The following CDH18 variants were observed in gnomAD, a reference collection of about 807,000 sequenced individuals.
CDH18 encodes the protein cadherin-18.
CDH18 carries 31 observed loss-of-function variants against 67.9 expected under a neutral mutation model. That is an observed-to-expected ratio of 0.46 (90% CI 0.34 to 0.62). CDH18 has a LOEUF of 0.62. Among genes scored for constraint, CDH18 ranks in the 20% least tolerant of loss-of-function variants. The pLI is 0.01. For missense variants in CDH18, 890 were observed against 975.5 expected, an observed-to-expected ratio of 0.91 and a Z score of 1.17; for synonymous variants, 362 against 347.2, an observed-to-expected ratio of 1.04 and a Z score of -0.48.
At chr5:20,328,424 C>T (rs1738814644) in intron 1 of CDH18, among the ~76,000 whole-genome samples, 1 of 150,580 alleles carries the variant, frequency 6.6e-6, no homozygotes, top group African/African-American at 2.5e-5. Context: ...GAGTATCTGA[C>T]AAGATGAAAG....
chr5:19,832,196 C>A (rs1355059938), intron 3 of CDH18, among the ~76,000 whole-genome samples: 4 of 152,042 alleles, frequency 2.6e-5, no homozygotes, highest in Non-Finnish European at 5.9e-5. Flanking sequence ...CACCCCAAAC[C>A]TCAGCATCGC....
chr5:19,554,696 C>G (rs1425565108), intron 8 of CDH18, among the ~76,000 whole-genome samples: 1 of 151,994 alleles, frequency 6.6e-6, no homozygotes, highest in Non-Finnish European at 1.5e-5. Context: ...TCCCAGAACA[C>G]AGGTTCCCTT....
intron 1 of CDH18, among the ~76,000 whole-genome samples, chr5:20,459,604 G>C (rs948941578): frequency 1.6e-4 from 25 of 152,048 alleles, no homozygotes; most frequent in African/African-American, 5.8e-4. Flanking sequence ...TAGACTTCCT[G>C]CCTCTGTGTA....
chr5:19,855,420 G>C (rs1486901889), intron 2 of CDH18, among the ~76,000 whole-genome samples: 2 of 152,016 alleles, frequency 1.3e-5, no homozygotes, highest in African/African-American at 2.4e-5. Flanking sequence ...CTTTGATTTG[G>C]GGGTGGATGA....
At chr5:20,163,250 T>G (rs556559623) in intron 2 of CDH18, among the ~76,000 whole-genome samples, 5 of 152,092 alleles carry the variant, frequency 3.3e-5, no homozygotes, top group Non-Finnish European at 7.4e-5. Context: ...TGTTTCACCC[T>G]AATGCCCTTA....
chr5:19,835,950 CAT>C (rs1488122107), intron 3 of CDH18, among the ~76,000 whole-genome samples: 8 of 152,108 alleles, frequency 5.3e-5, no homozygotes, highest in African/African-American at 1.9e-4. Flanking sequence ...AGCTCTCAAC[CAT>C]ATGTTCATTG....
chr5:20,004,839 ACTAT>A (rs1317745629), intron 2 of CDH18, among the ~76,000 whole-genome samples: 1 of 152,202 alleles, frequency 6.6e-6, no homozygotes, highest in Non-Finnish European at 1.5e-5. Flanking sequence ...GTCAAATTCC[ACTAT>A]CTATCTACAA....
chr5:20,528,200 C>T (rs1316614349), intron 1 of CDH18, among the ~76,000 whole-genome samples: 3 of 152,006 alleles, frequency 2.0e-5, no homozygotes, highest in Non-Finnish European at 4.4e-5. Context: ...TTCAATTCAA[C>T]ATGAAGAGCT....
chr5:20,004,669 G>GTC (rs1365562174), intron 2 of CDH18, among the ~76,000 whole-genome samples: 1 of 152,216 alleles, frequency 6.6e-6, no homozygotes, highest in Non-Finnish European at 1.5e-5. Context: ...TTTAAAAGAT[G>GTC]TCAAACCTTT....
chr5:20,448,087 G>A (rs1335082919), intron 1 of CDH18, among the ~76,000 whole-genome samples: 1 of 151,650 alleles, frequency 6.6e-6, no homozygotes, highest in African/African-American at 2.4e-5. Flanking sequence ...GGTGTGTGAT[G>A]TTCCCCTTCC....
At chr5:20,393,221 T>A (rs994899184) in intron 1 of CDH18, among the ~76,000 whole-genome samples, 3 of 151,978 alleles carry the variant, frequency 2.0e-5, no homozygotes, top group Non-Finnish European at 4.4e-5. Flanking sequence ...ATGGCTATCA[T>A]AATCTATATG....
chr5:19,812,665 G>A (rs911087403), intron 3 of CDH18, among the ~76,000 whole-genome samples: 9 of 152,082 alleles, frequency 5.9e-5, no homozygotes, highest in African/African-American at 2.2e-4. Context: ...AAATAAATCT[G>A]TAATGGGTCC....
intron 2 of CDH18, among the ~76,000 whole-genome samples, chr5:20,135,034 C>T (rs527311796): frequency 1.3e-5 from 2 of 152,110 alleles, no homozygotes; most frequent in South Asian, 2.1e-4. Flanking sequence ...TATTTTTCCC[C>T]ATGAGAGAGA....
At chr5:20,370,278 A>T (rs1580847613) in intron 1 of CDH18, among the ~76,000 whole-genome samples, 1 of 146,288 alleles carries the variant, frequency 6.8e-6, no homozygotes, top group East Asian at 2.2e-4. Context: ...CACCATCATC[A>T]TATATAACAA....
intron 2 of CDH18, among the ~76,000 whole-genome samples, chr5:20,218,938 T>C (rs978477868): frequency 1.3e-5 from 2 of 151,632 alleles, no homozygotes; most frequent in South Asian, 4.2e-4. Flanking sequence ...CAACTTCAAA[T>C]AAACAAGGTG....
intron 2 of CDH18, among the ~76,000 whole-genome samples, chr5:20,099,665 C>T (rs963763119): frequency 1.3e-5 from 2 of 152,056 alleles, no homozygotes; most frequent in Non-Finnish European, 2.9e-5. Flanking sequence ...AGAATAATTA[C>T]TACATATCAA....
At chr5:20,091,212 A>G (rs1745389114) in intron 2 of CDH18, among the ~76,000 whole-genome samples, 1 of 152,140 alleles carries the variant, frequency 6.6e-6, no homozygotes, top group African/African-American at 2.4e-5. Flanking sequence ...AAGGCCAGGC[A>G]CAGTGGCTCA....
chr5:19,985,611 A>C (rs1799482720), intron 1 of CDH18, among the ~76,000 whole-genome samples: 1 of 152,024 alleles, frequency 6.6e-6, no homozygotes, highest in African/African-American at 2.4e-5. Flanking sequence ...AGAATGATAG[A>C]GCTCACAATA....
chr5:20,555,528 T>G (rs144925368), intron 1 of CDH18, among the ~76,000 whole-genome samples: 1 of 148,790 alleles, frequency 6.7e-6, no homozygotes, highest in Non-Finnish European at 1.5e-5. Context: ...CACTGCAACC[T>G]CTGCCTCCCT....
Sources: allele counts gnomAD v4.1 joint callset (sites outside exome capture counted in the v4.1 genomes callset), GRCh38; gene constraint gnomAD v4.1.1; transcripts MANE v1.5; gene names NCBI Gene and HGNC (gene_info 2026-07-23, HGNC 2026-07-21).